The following EIF4G1 variants were observed in gnomAD, a reference collection of about 807,000 sequenced individuals.
EIF4G1 encodes the protein eukaryotic translation initiation factor 4 gamma 1, also known as EIF4-gamma.
A neutral mutation model predicts 187.8 loss-of-function variants in EIF4G1; 4 were observed. The observed-to-expected ratio is 0.02, with a 90% CI of 0.01 to 0.05. The LOEUF (loss-of-function observed/expected upper bound fraction) is 0.05, where lower values mean the gene tolerates loss of function less well. EIF4G1 is among the 10% of genes least tolerant of loss of function. The probability of loss-of-function intolerance (pLI) is 1.00; values close to 1 mark genes in which losing one functional copy is unlikely to be tolerated. For synonymous variants in EIF4G1, 844 were observed against 781.4 expected (o/e 1.08, Z -1.34); for missense variants, 1,647 against 2,081.1 (o/e 0.79, Z 4.06).
In EIF4G1 at chr3:184,324,184, TTC is replaced by T. The variant is rs1560218912; in HGVS notation, c.2473-11_2473-10del. ...CCCAGGACTAGTCTTGAGTGTGACATTCTCTCTGACCTACAGCTGAAAGTGCC... is the reference window on the plus strand; with the variant it reads ...CCCAGGACTAGTCTTGAGTGTGACATTCTCTGACCTACAGCTGAAAGTGCC... On this transcript the variant is annotated splice_polypyrimidine_tract_variant and intron_variant, in intron 16 of 32. Transcript: ENST00000346169. The T allele has an allele frequency of 3.1e-6, 5 of 1,614,206 alleles. No homozygotes were observed. Among genetic ancestry groups the T allele is most frequent in the Admixed American group, 3.3e-5 (2 of 60,026 alleles).
Position 184,331,256 on chromosome 3 carries a change from T to C in EIF4G1, c.4162-10T>C. On this transcript the variant is annotated splice_polypyrimidine_tract_variant and intron_variant, in intron 28 of 32. Coordinates refer to ENST00000346169, the MANE Select transcript of EIF4G1 (RefSeq NM_198241.3). Reference sequence around the variant, plus strand: ...GCTTTGGTAAGCTGGGTTGGTCTTGTGTTTTCCAGGGTCCTAAAAAGGTGG... The same window carrying C: ...GCTTTGGTAAGCTGGGTTGGTCTTGCGTTTTCCAGGGTCCTAAAAAGGTGG... 1 of 1,614,164 alleles carries C rather than the reference T, an allele frequency of 6.2e-7. No homozygotes were observed. The highest frequency in any genetic ancestry group is 8.5e-7 in the Non-Finnish European group (1 of 1,180,006).
intron 10 of EIF4G1, 41 bp downstream of exon 10, chr3:184,322,144 G>GAT (rs761095458): frequency 6.2e-7 from 1 of 1,613,638 alleles, no homozygotes; most frequent in South Asian, 1.1e-5. Flanking sequence ...CGGGCTAGGG[G>GAT]ATATCGTTCC....
At chr3:184,329,355 G>A (rs3926065) in intron 28 of EIF4G1, among the ~76,000 whole-genome samples, 5 of 152,200 alleles carry the variant, frequency 3.3e-5, no homozygotes, top group Admixed American at 2.0e-4. Flanking sequence ...GAAATGGGCC[G>A]GGCGCAGTGG....
intron 28 of EIF4G1, 91 bp from the exon 29 acceptor site, chr3:184,331,175 C>T: frequency 7.4e-7 from 1 of 1,357,636 alleles, no homozygotes; most frequent in Non-Finnish European, 1.1e-6. Flanking sequence ...AGTAGGCTTT[C>T]AGTAAATATT....
chr3:184,325,372 G>T lies in EIF4G1; in HGVS notation c.2960G>T (p.Gly987Val). 6.2e-7 allele frequency: 1 copy of T among 1,614,228 alleles called. No homozygotes were observed. Among genetic ancestry groups the T allele is most frequent in the Non-Finnish European group, 8.5e-7 (1 of 1,180,048 alleles). The change falls in exon 19 of 33, where the codon GGG becomes GTG. Residue 987 changes from glycine (G) to valine (V), a missense_variant and splice_region_variant. Gly to Val is a moderately radical substitution (Grantham distance 109). This residue lies in a region of EIF4G1 where 142 missense variants were observed against 296.6 expected (regional missense o/e 0.48). Coordinates refer to ENST00000346169, the MANE Select transcript of EIF4G1 (RefSeq NM_198241.3). The surrounding 1 kb of genome is among the most constrained non-coding windows in gnomAD (Gnocchi z 5.2). ...CTGCAGGACGTGCTGGATCTGCGAG[G>T]GGTGTGTGTCCCCCTCCTCCCCACT... Reference protein sequence around the residue: ...FMLQDVLDLRGSNWVPRRGDQ... With the variant: ...FMLQDVLDLRVSNWVPRRGDQ...
chr3:184,331,128 G>T (rs1422745924), intron 28 of EIF4G1, 138 bp from the exon 29 acceptor site: 20 of 929,834 alleles, frequency 2.2e-5, no homozygotes, highest in Non-Finnish European at 3.4e-5. Flanking sequence ...TTGCCTATTA[G>T]TATTTCTATA....
chr3:184,330,112 G>A (rs959297097), intron 28 of EIF4G1, among the ~76,000 whole-genome samples: 2 of 152,114 alleles, frequency 1.3e-5, no homozygotes, highest in Non-Finnish European at 2.9e-5. Flanking sequence ...AGACTGGGCC[G>A]GGCGTGGTAA....
At chr3:184,328,439 A>G in intron 26 of EIF4G1, 192 bp from the exon 27 acceptor site, 1 of 811,656 alleles carries the variant, frequency 1.2e-6, no homozygotes, top group Non-Finnish European at 2.0e-6. Flanking sequence ...CCTGGTCAGC[A>G]TAACTTTAGG....
Position 184,334,966 on chromosome 3 carries a change from G to C in EIF4G1, c.*58G>C. On this transcript the variant is annotated 3_prime_UTR_variant, in exon 33 of 33. Coordinates refer to ENST00000346169, the MANE Select transcript of EIF4G1 (RefSeq NM_198241.3). The surrounding 1 kb of genome is among the most constrained non-coding windows in gnomAD (Gnocchi z 5.8). ...GGACACACAGATGGCCCGGCTAGCC[G>C]CCTGGACTGCAGGGGGGCGGCAGCA... 2 of 1,605,976 alleles carry C rather than the reference G, an allele frequency of 1.2e-6. No homozygotes were observed. Among genetic ancestry groups the C allele is most frequent in the South Asian group, 1.1e-5 (1 of 90,610 alleles).
chr3:184,327,801 C>G (rs1577238577), intron 25 of EIF4G1, 29 bp from the exon 26 acceptor site: 4 of 1,614,074 alleles, frequency 2.5e-6, no homozygotes, highest in Non-Finnish European at 2.5e-6. Context: ...AGTGACTGGT[C>G]TCTTCCTGCT....
At position 184,323,240 on chromosome 3, in the gene EIF4G1, C is replaced by T. The variant is rs754755344; in HGVS notation, c.2087C>T (p.Pro696Leu). 2.1e-5 allele frequency: 34 copies of T among 1,613,912 alleles called. No homozygotes were observed. Among genetic ancestry groups the T allele is most frequent in the South Asian group, 7.7e-5 (7 of 91,074 alleles). Reference protein sequence around the residue: ...GGPGGELPRGPAGLGPRRSQQ... With the variant: ...GGPGGELPRGLAGLGPRRSQQ... ...CCAGGTGGGGAGCTGCCCCGTGGGC[C>T]GGTGAGTGGGGCTGGGTAAAGTGGC... Residue 696 changes from proline to leucine, a missense_variant and splice_region_variant, in exon 14 of 33, where the codon CCG becomes CTG. By Grantham distance (98) the Pro-to-Leu change is moderately conservative. This residue lies in a region of EIF4G1 where 140 missense variants were observed against 222.2 expected (regional missense o/e 0.63). Transcript: ENST00000346169. The surrounding 1 kb of genome is among the most constrained non-coding windows in gnomAD (Gnocchi z 6.9).
chr3:184,315,154 G>T (rs947007106), intron 1 of EIF4G1: 1 of 345,080 alleles, frequency 2.9e-6, no homozygotes, highest in Non-Finnish European at 5.7e-6. Flanking sequence ...CCCGCCCTCC[G>T]GGCCGACCCT....
chr3:184,317,963 A>G (rs1249846556), intron 6 of EIF4G1, 147 bp downstream of exon 6: 7 of 694,168 alleles, frequency 1.0e-5, no homozygotes, highest in Non-Finnish European at 1.8e-5. Context: ...TTGGTGCTTA[A>G]TATTTAACTG....
chr3:184,326,077 C>A, intron 21 of EIF4G1, 126 bp downstream of exon 21: 1 of 992,072 alleles, frequency 1.0e-6, no homozygotes, highest in Non-Finnish European at 1.6e-6. Flanking sequence ...TTGCTGGAGA[C>A]AGGACTGCCA....
chr3:184,325,048 G>A lies in EIF4G1; in HGVS notation c.2790G>A (p.Glu930=), dbSNP rs758157290. The change falls in exon 18 of 33, where the codon GAG becomes GAA. Residue 930 remains glutamate (E), a synonymous_variant. Coordinates refer to ENST00000346169, the MANE Select transcript of EIF4G1 (RefSeq NM_198241.3). This position sits in a 1 kb window ranked among gnomAD's most constrained non-coding sequence, Gnocchi z 5.2. ...VVKLLKNHDE[E]SLECLCRLLT... ...AACTGCTTAAGAACCATGATGAAGA[G>A]TCCCTTGAGTGCCTTTGTCGTCTGC... The A allele has an allele frequency of 2.5e-6, 4 of 1,614,064 alleles. No individual in the cohort carries two copies. The East Asian group carries it at 8.9e-5, about 36-fold the overall frequency.
In EIF4G1 at chr3:184,325,364, T is replaced by A; in HGVS notation, c.2952T>A (p.Asp984Glu). ...GCTTTATGCTGCAGGACGTGCTGGA[T>A]CTGCGAGGGGTGTGTGTCCCCCTCC... ...RIRFMLQDVL[D>E]LRGSNWVPRR... is the part of the protein sequence containing the mutation. Residue 984 changes from aspartate (D) to glutamate (E), a missense_variant, in exon 19 of 33, where the codon GAT becomes GAA. Asp to Glu is a conservative substitution (Grantham distance 45). Transcript: ENST00000346169. This position sits in a 1 kb window ranked among gnomAD's most constrained non-coding sequence, Gnocchi z 5.2. 1.2e-6 allele frequency: 2 copies of A among 1,614,228 alleles called. No individual in the cohort carries two copies. Among genetic ancestry groups the A allele is most frequent in the South Asian group, 2.2e-5 (2 of 91,086 alleles).
chr3:184,325,480 A>G lies in EIF4G1; in HGVS notation c.2962A>G (p.Ser988Gly), dbSNP rs771820943. The G allele has an allele frequency of 1.2e-6, 2 of 1,614,042 alleles. No homozygotes were observed. Among genetic ancestry groups the G allele is most frequent in the Non-Finnish European group, 1.7e-6 (2 of 1,180,022 alleles). The stretch of plus-strand genomic sequence containing the variant: ...CGTGACTGGCCCTCTGTCTCCACAG[A>G]GCAATTGGGTGCCACGCCGAGGGGA... ...MLQDVLDLRG[S>G]NWVPRRGDQG... The change falls in exon 20 of 33, where the codon AGC becomes GGC. Residue 988 changes from serine to glycine, a missense_variant and splice_region_variant. Ser to Gly is a moderately conservative substitution (Grantham distance 56). Transcript: ENST00000346169. This position sits in a 1 kb window ranked among gnomAD's most constrained non-coding sequence, Gnocchi z 5.2.
At chr3:184,317,012 C>T (rs1395391128) in intron 4 of EIF4G1, among the ~76,000 whole-genome samples, 1 of 152,036 alleles carries the variant, frequency 6.6e-6, no homozygotes, top group Non-Finnish European at 1.5e-5. Context: ...CTTACTTAGG[C>T]ATGATGCATC....
intron 17 of EIF4G1, 123 bp downstream of exon 17, chr3:184,324,470 G>GT (rs940380216): frequency 7.2e-5 from 105 of 1,456,500 alleles, no homozygotes; most frequent in Non-Finnish European, 7.9e-5. Flanking sequence ...GGCTCAGGAC[G>GT]TTTTTTTTCC....
Sources: allele counts gnomAD v4.1 joint callset (sites outside exome capture counted in the v4.1 genomes callset), GRCh38; gene constraint gnomAD v4.1.1; regional missense constraint gnomAD v4.1.1; non-coding constraint Gnocchi (gnomAD v3.1); transcripts MANE v1.5; gene names NCBI Gene and HGNC (gene_info 2026-07-23, HGNC 2026-07-21).